The following DLG2 variants were observed in gnomAD, a reference collection of about 807,000 sequenced individuals.
DLG2 encodes disks large homolog 2.
A neutral mutation model predicts 132.5 loss-of-function variants in DLG2; 45 were observed. The ratio of observed to expected loss-of-function variants is 0.34; its 90% CI spans 0.27 to 0.44. DLG2 has a LOEUF of 0.44. Ranked by LOEUF, DLG2 falls within the 20% of genes least tolerant of loss-of-function variation. The pLI, the probability that DLG2 is intolerant of heterozygous loss-of-function variation, is 1.00. For synonymous variants in DLG2, 424 were observed against 419.6 expected (o/e 1.01, Z -0.13); for missense variants, 1,045 against 1,196.9 (o/e 0.87, Z 1.87).
At chr11:84,122,593 A>T (rs955206320) in intron 9 of DLG2, among the ~76,000 whole-genome samples, 1 of 152,166 alleles carries the variant, frequency 6.6e-6, no homozygotes, top group African/African-American at 2.4e-5. Flanking sequence ...ACAAAAAAAA[A>T]AGTTGTCGGG....
chr11:85,373,517 C>T (rs1367563763), intron 3 of DLG2, among the ~76,000 whole-genome samples: 1 of 152,130 alleles, frequency 6.6e-6, no homozygotes, highest in African/African-American at 2.4e-5. Context: ...ATGAGATAGT[C>T]AGATGGGAAA....
intron 3 of DLG2, among the ~76,000 whole-genome samples, chr11:85,320,599 G>T (rs1225911108): frequency 6.6e-6 from 1 of 151,850 alleles, no homozygotes; most frequent in Non-Finnish European, 1.5e-5. Flanking sequence ...AAGTGCTCTG[G>T]AGAAAAATTC....
chr11:84,342,120 G>A (rs916771519), intron 7 of DLG2, among the ~76,000 whole-genome samples: 9 of 151,820 alleles, frequency 5.9e-5, no homozygotes, highest in Middle Eastern at 3.2e-3. Context: ...GGCCTGGTGC[G>A]TTTGTGATGG....
In DLG2 at chr11:85,598,705, T is replaced by C. The variant is rs989583235; in HGVS notation, c.-9A>G. The C allele has an allele frequency of 4.1e-5, 65 of 1,579,140 alleles. No individual in the cohort carries two copies. The highest frequency in any genetic ancestry group is 5.5e-5 in the Non-Finnish European group (64 of 1,165,242). On this transcript the variant is annotated 5_prime_UTR_variant, in exon 3 of 28. Transcript: ENST00000376104. ...CTCTTAAAGATACCCATCACCTTTT[T>C]AACCGCATTTTTCAACAGCTGCTCC...
At chr11:83,855,317 A>G (rs527775159) in intron 16 of DLG2, among the ~76,000 whole-genome samples, 70 of 152,322 alleles carry the variant, frequency 4.6e-4, no homozygotes, top group African/African-American at 1.6e-3. Flanking sequence ...GCTCCTTGGT[A>G]TTTCTCCAAA....
intron 7 of DLG2, among the ~76,000 whole-genome samples, chr11:84,383,972 T>A (rs965308070): frequency 9.2e-5 from 14 of 151,736 alleles, no homozygotes; most frequent in African/African-American, 3.1e-4. Context: ...ACTTTTCACA[T>A]ACCTCCATCA....
At chr11:85,534,049 G>A (rs762759961) in intron 3 of DLG2, among the ~76,000 whole-genome samples, 1 of 152,008 alleles carries the variant, frequency 6.6e-6, no homozygotes, top group Non-Finnish European at 1.5e-5. Context: ...GTGCAATGGC[G>A]CTATCCCAGC....
chr11:84,901,223 T>A (rs537957917), intron 6 of DLG2, among the ~76,000 whole-genome samples: 1 of 152,154 alleles, frequency 6.6e-6, no homozygotes, highest in African/African-American at 2.4e-5. Context: ...ATTACAACAA[T>A]CTTCAGTGGG....
chr11:84,802,076 G>A (rs1355344026), intron 6 of DLG2, among the ~76,000 whole-genome samples: 1 of 151,002 alleles, frequency 6.6e-6, no homozygotes, highest in Non-Finnish European at 1.5e-5. Context: ...TTAGGGATTG[G>A]GAAGCACAGC....
intron 6 of DLG2, among the ~76,000 whole-genome samples, chr11:84,978,105 G>A (rs2055183331): frequency 6.6e-6 from 1 of 152,022 alleles, no homozygotes; most frequent in South Asian, 2.1e-4. Context: ...TATTTGTTAA[G>A]GTACACTGAA....
At chr11:84,332,508 CTTT>C (rs34149557) in intron 7 of DLG2, among the ~76,000 whole-genome samples, 3 of 78,314 alleles carry the variant, frequency 3.8e-5, no homozygotes, top group African/African-American at 5.7e-5. Context: ...CCGCGCCTGG[CTTT>C]TTTTTTTTTT....
chr11:84,286,545 A>C (rs1249112678), intron 7 of DLG2, among the ~76,000 whole-genome samples: 1 of 152,192 alleles, frequency 6.6e-6, no homozygotes, highest in Non-Finnish European at 1.5e-5. Flanking sequence ...ATGCTGCTTA[A>C]GTATGGCCAA....
At chr11:85,121,260 A>G (rs1467083557) in intron 5 of DLG2, among the ~76,000 whole-genome samples, 1 of 151,948 alleles carries the variant, frequency 6.6e-6, no homozygotes, top group East Asian at 1.9e-4. Flanking sequence ...ATTATTTTAT[A>G]ACCTGATAAT....
intron 7 of DLG2, among the ~76,000 whole-genome samples, chr11:84,343,483 C>T (rs564153284): frequency 4.6e-4 from 70 of 152,276 alleles, no homozygotes; most frequent in Middle Eastern, 6.8e-3. Flanking sequence ...GTCAAGAACT[C>T]TGCCAGAAAC....
At chr11:84,439,786 G>A (rs539847522) in intron 7 of DLG2, among the ~76,000 whole-genome samples, 3 of 152,226 alleles carry the variant, frequency 2.0e-5, no homozygotes, top group Admixed American at 6.5e-5. Context: ...AAAGACTAAA[G>A]TAGATAAAAA....
intron 3 of DLG2, among the ~76,000 whole-genome samples, chr11:85,559,044 A>T (rs2077079468): frequency 6.6e-6 from 1 of 151,850 alleles, no homozygotes; most frequent in Non-Finnish European, 1.5e-5. Context: ...CTGAAATTCA[A>T]TTTAGAAATA....
chr11:83,472,092 A>G (rs1460835479), intron 23 of DLG2, among the ~76,000 whole-genome samples: 1 of 152,178 alleles, frequency 6.6e-6, no homozygotes, highest in African/African-American at 2.4e-5. Flanking sequence ...TATTGTTTAG[A>G]TATGACTATA....
chr11:84,055,725 C>G (rs1019386376), intron 11 of DLG2, among the ~76,000 whole-genome samples: 2 of 152,182 alleles, frequency 1.3e-5, no homozygotes, highest in Middle Eastern at 6.8e-3. Context: ...CTTTGACCCA[C>G]TATTTAATTG....
chr11:83,489,948 G>C (rs2093743177), intron 21 of DLG2, among the ~76,000 whole-genome samples: 1 of 129,526 alleles, frequency 7.7e-6, no homozygotes, highest in African/African-American at 2.7e-5. Flanking sequence ...CCAGTAATTA[G>C]AGGCATGAGA....
Sources: allele counts gnomAD v4.1 joint callset (sites outside exome capture counted in the v4.1 genomes callset), GRCh38; gene constraint gnomAD v4.1.1; transcripts MANE v1.5; gene names NCBI Gene and HGNC (gene_info 2026-07-23, HGNC 2026-07-21).